Variants in EP400 observed in about 807,000 individuals in gnomAD.
EP400 encodes the protein E1A binding protein p400.
A neutral mutation model predicts 354.1 loss-of-function variants in EP400; 105 were observed. The observed-to-expected ratio is 0.30, with a 90% CI of 0.25 to 0.35. EP400 has a LOEUF of 0.35. Ranked by LOEUF, EP400 falls within the 10% of genes least tolerant of loss-of-function variation. The probability of loss-of-function intolerance (pLI) is 1.00; values close to 1 mark genes in which losing one functional copy is unlikely to be tolerated. For synonymous variants in EP400, 1,646 were observed against 1,716.9 expected (o/e 0.96, Z 1.02); for missense variants, 3,280 against 4,121.0 (o/e 0.80, Z 5.59).
At position 131,990,699 on chromosome 12, in the gene EP400, A is replaced by C. The variant is rs750998890; in HGVS notation, c.2614A>C (p.Lys872Gln). Reference sequence around the variant, plus strand: ...AAGGAAGAAGGCCTTAAATTTACAGAAAGTTTCCAGGAGAGGTAGGACCCT... The same window carrying C: ...AAGGAAGAAGGCCTTAAATTTACAGCAAGTTTCCAGGAGAGGTAGGACCCT... ...EKRKKALNLQ[K>Q]VSRRGKELRP... Residue 872 changes from lysine (K) to glutamine (Q), a missense_variant, in exon 9 of 53, where the codon AAA becomes CAA. By Grantham distance (53) the Lys-to-Gln change is moderately conservative. Around this residue, in one of 20 missense-constraint regions of EP400, gnomAD observed 800 missense variants for 840.0 expected, o/e 0.95. Transcript: ENST00000389561. This position sits in a 1 kb window ranked among gnomAD's most constrained non-coding sequence, Gnocchi z 4.2. The C allele has an allele frequency of 6.2e-7, 1 of 1,612,428 alleles. No homozygotes were observed. Among genetic ancestry groups the C allele is most frequent in the Admixed American group, 1.7e-5 (1 of 59,732 alleles).
At chr12:132,033,136 C>T (rs146440287) in intron 30 of EP400, among the ~76,000 whole-genome samples, 1,963 of 151,302 alleles carry the variant, frequency 0.013, 28 homozygotes, top group East Asian at 0.041. Context: ...TTAGTAGAAA[C>T]GGGGTTTCAC....
chr12:131,991,367 G>T, intron 9 of EP400, 40 bp from the exon 10 acceptor site: 1 of 1,608,304 alleles, frequency 6.2e-7, no homozygotes, highest in Admixed American at 1.7e-5. Flanking sequence ...CGCCAAGCAT[G>T]GGGGGCCTTG....
intron 15 of EP400, 130 bp from the exon 16 acceptor site, chr12:132,011,368 C>CTGCCTCAGTCGTGCGATGGCTCATGTG: frequency 8.8e-7 from 1 of 1,139,048 alleles, no homozygotes; most frequent in Non-Finnish European, 1.2e-6. Flanking sequence ...CCCCCCAAGT[C>CTGCCTCAGTCGTGCGATGGCTCATGTG]TGCCTCAGTC....
chr12:132,026,287 C>G (rs963405316), intron 25 of EP400, among the ~76,000 whole-genome samples: 1 of 152,222 alleles, frequency 6.6e-6, no homozygotes, highest in Non-Finnish European at 1.5e-5. Context: ...GTGGTGTGTC[C>G]TCTGGAACCC....
chr12:132,048,411 C>T (rs1175840396), intron 39 of EP400, among the ~76,000 whole-genome samples: 2 of 152,164 alleles, frequency 1.3e-5, no homozygotes, highest in Non-Finnish European at 2.9e-5. Flanking sequence ...CGGCCAGTCC[C>T]TCTGTTCGGG....
intron 1 of EP400, among the ~76,000 whole-genome samples, chr12:131,956,178 C>T (rs1566158171): frequency 1.3e-5 from 2 of 152,152 alleles, no homozygotes; most frequent in Non-Finnish European, 1.5e-5. Flanking sequence ...GCATCTTGCA[C>T]CTGAGACTCA....
rs780209958 is a variant in EP400, at chr12:132,013,788, A to G, written c.3798A>G (p.Pro1266=). The change falls in exon 19 of 53, where the codon CCA becomes CCG. Residue 1266 remains proline, a synonymous_variant. Transcript: ENST00000389561. The surrounding 1 kb of genome is among the most constrained non-coding windows in gnomAD (Gnocchi z 4.5). The part of the protein sequence containing the change: ...VVIRLHRVTQ[P]FILRRTKRDV... The stretch of plus-strand genomic sequence containing the variant: ...GTTTTTATTTTCAGGTGACACAGCC[A>G]TTTATTTTGAGGAGAACTAAGAGAG... The G allele has an allele frequency of 1.9e-6, 3 of 1,613,654 alleles. No homozygotes were observed. The highest frequency in any genetic ancestry group is 2.5e-6 in the Non-Finnish European group (3 of 1,179,872).
rs575551760 is a variant in EP400 at position 131,993,595 on chromosome 12, C to T, written c.2738-1272C>T. ...TGTACAGTCATGTGTTTCTTAACAA[C>T]GGGGATATATTCTGAGAGATGCGTT... On this transcript the variant is annotated intron_variant, in intron 11 of 52. Coordinates refer to ENST00000389561, the MANE Select transcript of EP400 (RefSeq NM_015409.5). Among the ~76,000 whole-genome samples the T allele has an allele frequency of 1.9e-4, 29 of 152,290 alleles. No individual in the cohort carries two copies. In the South Asian group the frequency reaches 2.5e-3, roughly 13 times the overall value.
In EP400 at chr12:132,013,891, G is replaced by A; in HGVS notation, c.3901G>A (p.Glu1301Lys). ...TTCTAACCGACAAAAAGCCTTATAC[G>A]AGGACGTTATCCTGCAACCTGGGTG... is the stretch of plus-strand genomic sequence containing the variant. The part of the protein sequence containing the change: ...RLSNRQKALY[E>K]DVILQPGTQE... Residue 1301 changes from glutamate to lysine, a missense_variant, in exon 19 of 53, where the codon GAG (glutamate) becomes AAG (lysine). Physicochemically the swap from Glu to Lys is moderately conservative, Grantham distance 56. Transcript: ENST00000389561. This position sits in a 1 kb window ranked among gnomAD's most constrained non-coding sequence, Gnocchi z 4.5. The A allele has an allele frequency of 1.9e-6, 3 of 1,614,218 alleles. No homozygotes were observed. Among genetic ancestry groups the A allele is most frequent in the Non-Finnish European group, 2.5e-6 (3 of 1,180,046 alleles).
At chr12:131,981,195 G>A (rs1892669311) in intron 3 of EP400, among the ~76,000 whole-genome samples, 1 of 152,182 alleles carries the variant, frequency 6.6e-6, no homozygotes, top group East Asian at 1.9e-4. Flanking sequence ...CTCCTCATGT[G>A]TGCCTGTGCT....
At chr12:132,003,781 A>C (rs1038583937) in intron 12 of EP400, among the ~76,000 whole-genome samples, 4 of 152,164 alleles carry the variant, frequency 2.6e-5, no homozygotes, top group African/African-American at 9.7e-5. Context: ...ACTTACTTTC[A>C]CTGGGCTCCA....
chr12:132,025,974 TTC>T lies in EP400; in HGVS notation c.5014+172_5014+173del, dbSNP rs777068497. Among the ~76,000 whole-genome samples, 136 of 152,374 alleles carry T rather than the reference TTC, an allele frequency of 8.9e-4. No individual in the cohort carries two copies. The highest frequency in any genetic ancestry group is 1.7e-3 in the South Asian group (8 of 4,828). ...TGTCCTAGTGTCAGCCTGATTTATT[TTC>T]TTTTTCTTGTGCTTTCAAAGGTATT... On this transcript the variant is annotated intron_variant, in intron 25 of 52. Transcript: ENST00000389561. This position sits in a 1 kb window ranked among gnomAD's most constrained non-coding sequence, Gnocchi z 4.1.
Position 132,067,512 on chromosome 12 carries a change from T to G in EP400, c.8874+26T>G. On this transcript the variant is annotated intron_variant, in intron 50 of 52. Coordinates refer to ENST00000389561, the MANE Select transcript of EP400 (RefSeq NM_015409.5). This position sits in a 1 kb window ranked among gnomAD's most constrained non-coding sequence, Gnocchi z 5.3. ...GTACCGGGGCTAGGGGATTCTCACT[T>G]CTGGGTCTATGCCAAGCCAAAGCTG... 2 of 1,606,376 alleles carry G rather than the reference T, an allele frequency of 1.2e-6. No homozygotes were observed. Among genetic ancestry groups the G allele is most frequent in the Non-Finnish European group, 1.7e-6 (2 of 1,178,356 alleles).
intron 2 of EP400, among the ~76,000 whole-genome samples, chr12:131,962,375 A>C (rs534395710): frequency 6.6e-6 from 1 of 152,310 alleles, no homozygotes; most frequent in African/African-American, 2.4e-5. Flanking sequence ...TGGTTTTCCA[A>C]GTTTCACATT....
Position 131,981,495 on chromosome 12 carries a change from C to CT in EP400, c.1443dup (p.Lys482Ter). The stretch of plus-strand genomic sequence containing the variant: ...TTTTTGAAAATTATTCTAGAGCAGT[C>CT]TAAGAGGCCTCGCCTTGAAGTGGGT... On this transcript the variant is annotated frameshift_variant, in exon 4 of 53. Coordinates refer to ENST00000389561, the MANE Select transcript of EP400 (RefSeq NM_015409.5). LOFTEE classifies it high-confidence loss of function. The CT allele has an allele frequency of 6.4e-7, 1 of 1,572,888 alleles. No individual in the cohort carries two copies. Among genetic ancestry groups the CT allele is most frequent in the Non-Finnish European group, 8.6e-7 (1 of 1,158,298 alleles).
chr12:132,011,354 G>C, intron 15 of EP400, 144 bp from the exon 16 acceptor site: 2 of 1,012,672 alleles, frequency 2.0e-6, no homozygotes, highest in Non-Finnish European at 2.9e-6. Context: ...GAATGCACTT[G>C]TTCCCCCCCA....
rs1892700591 is a variant in EP400 at position 131,982,080 on chromosome 12, T to C, written c.1544-13T>C. 2.7e-6 allele frequency: 4 copies of C among 1,503,474 alleles called. No individual in the cohort carries two copies. The highest frequency in any genetic ancestry group is 1.4e-5 in the African/African-American group (1 of 71,776). The allele number at this position is 1,503,474 out of a possible 1,614,324, so 93.1% of individuals were successfully genotyped here. ...TGGGAATCAGTGCTTTTGGCACTTT[T>C]CTTATTTTGCAGGAGGAATGCCCCC... On this transcript the variant is annotated splice_polypyrimidine_tract_variant and intron_variant, in intron 4 of 52. Coordinates refer to ENST00000389561, the MANE Select transcript of EP400 (RefSeq NM_015409.5).
chr12:132,015,355 G>A (rs1018599667), intron 19 of EP400, among the ~76,000 whole-genome samples: 1 of 152,232 alleles, frequency 6.6e-6, no homozygotes, highest in Non-Finnish European at 1.5e-5. Flanking sequence ...AAGCTCTGGT[G>A]TCAGATTTTT....
chr12:132,064,936 T>C, intron 48 of EP400, 50 bp downstream of exon 48: 1 of 1,543,928 alleles, frequency 6.5e-7, no homozygotes. Context: ...TTTTTATGTT[T>C]TAACACAGCT....
Sources: gnomAD v4.1 joint callset for allele counts (sites outside exome capture counted in the v4.1 genomes callset) on GRCh38, gnomAD v4.1.1 for gene constraint, gnomAD v4.1.1 regional missense constraint, Gnocchi (gnomAD v3.1) non-coding constraint, MANE v1.5 for transcripts, NCBI Gene and HGNC (gene_info 2026-07-23, HGNC 2026-07-21) for gene names.